Variants in DLGAP1 observed in about 807,000 individuals in gnomAD.
DLGAP1 encodes DLG associated protein 1.
In DLGAP1, 11 loss-of-function variants were observed where a neutral mutation model predicts 90.8. The observed-to-expected ratio is 0.12, with a 90% confidence interval of 0.08 to 0.20. DLGAP1 has a LOEUF of 0.20. Ranked by LOEUF, DLGAP1 falls within the 10% of genes least tolerant of loss-of-function variation. The pLI is 1.00. For synonymous variants in DLGAP1, 558 were observed against 540.7 expected (o/e 1.03, Z -0.44); for missense variants, 1,050 against 1,333.8 (o/e 0.79, Z 3.31).
intron 1 of DLGAP1, among the ~76,000 whole-genome samples, chr18:4,387,127 T>C (rs560541157): frequency 9.2e-5 from 14 of 152,220 alleles, no homozygotes; most frequent in African/African-American, 2.9e-4. Context: ...ATAAAAACCA[T>C]GGGACTGGAT....
At chr18:3,643,084 C>T (rs1246207734) in intron 7 of DLGAP1, among the ~76,000 whole-genome samples, 1 of 152,110 alleles carries the variant, frequency 6.6e-6, no homozygotes, top group Non-Finnish European at 1.5e-5. Context: ...GGTACAATCA[C>T]CCAATAGACT....
chr18:3,952,120 G>A (rs1235295074), intron 3 of DLGAP1, among the ~76,000 whole-genome samples: 1 of 152,196 alleles, frequency 6.6e-6, no homozygotes, highest in Non-Finnish European at 1.5e-5. Flanking sequence ...CTAGTGATTA[G>A]TCGGTTTATA....
intron 4 of DLGAP1, among the ~76,000 whole-genome samples, chr18:3,846,273 C>T (rs2069008515): frequency 6.6e-6 from 1 of 152,270 alleles, no homozygotes; most frequent in East Asian, 1.9e-4. Flanking sequence ...AGACTTACAC[C>T]TTTCCTTTCT....
At chr18:3,714,648 T>G (rs1296754240) in intron 7 of DLGAP1, among the ~76,000 whole-genome samples, 1 of 149,236 alleles carries the variant, frequency 6.7e-6, no homozygotes, top group East Asian at 2.0e-4. Context: ...GGTTTTTTTT[T>G]TTTTTTTTTT....
chr18:3,916,492 T>A (rs1013273501), intron 3 of DLGAP1, among the ~76,000 whole-genome samples: 1 of 152,174 alleles, frequency 6.6e-6, no homozygotes, highest in African/African-American at 2.4e-5. Flanking sequence ...GCTCTCATAG[T>A]CATAACCTAT....
chr18:3,779,572 G>A (rs1665522576), intron 5 of DLGAP1, among the ~76,000 whole-genome samples: 1 of 152,084 alleles, frequency 6.6e-6, no homozygotes, highest in African/African-American at 2.4e-5. Flanking sequence ...CTGCCTCATT[G>A]CTTTGTTCAT....
chr18:3,514,846 G>A (rs2050737332), intron 10 of DLGAP1, among the ~76,000 whole-genome samples: 1 of 152,176 alleles, frequency 6.6e-6, no homozygotes, highest in South Asian at 2.1e-4. Flanking sequence ...TGTGATCAAG[G>A]TGGTAGTTGC....
intron 1 of DLGAP1, among the ~76,000 whole-genome samples, chr18:4,232,812 GC>G (rs2078328470): frequency 6.6e-6 from 1 of 152,130 alleles, no homozygotes; most frequent in Non-Finnish European, 1.5e-5. Context: ...CCTGGAGCAA[GC>G]AACTCAAGAG....
At position 3,995,974 on chromosome 18, in the gene DLGAP1, T is replaced by C. The variant is rs367554416; in HGVS notation, c.-73+9142A>G. Among the ~76,000 whole-genome samples, 234 of 152,272 alleles carry C rather than the reference T, an allele frequency of 1.5e-3. 2 individuals are homozygous for C. The South Asian group carries it at 0.028, about 18-fold the overall frequency. Reference sequence around the variant, plus strand: ...TAATAAACGGAGACAAATTACCTAATATTTTTGAGCACCTATTATGTTAGA... The same window carrying C: ...TAATAAACGGAGACAAATTACCTAACATTTTTGAGCACCTATTATGTTAGA... On this transcript the variant is annotated intron_variant, in intron 3 of 12. Transcript: ENST00000315677.
At chr18:4,141,634 G>A (rs1182817321) in intron 2 of DLGAP1, among the ~76,000 whole-genome samples, 1 of 151,832 alleles carries the variant, frequency 6.6e-6, no homozygotes. Flanking sequence ...ACACTTTTAG[G>A]TGTTTAAACA....
chr18:3,827,515 G>A (rs556139081), intron 4 of DLGAP1, among the ~76,000 whole-genome samples: 2 of 152,308 alleles, frequency 1.3e-5, no homozygotes, highest in South Asian at 4.1e-4. Flanking sequence ...CATAGACAAA[G>A]GATTCTGCTG....
intron 4 of DLGAP1, among the ~76,000 whole-genome samples, chr18:3,867,705 T>C (rs1386417034): frequency 6.6e-6 from 1 of 152,172 alleles, no homozygotes. Flanking sequence ...TCATTTCAAA[T>C]TTCCCATGAT....
intron 4 of DLGAP1, among the ~76,000 whole-genome samples, chr18:3,872,075 A>G (rs1427216238): frequency 1.3e-5 from 2 of 152,144 alleles, no homozygotes; most frequent in Non-Finnish European, 2.9e-5. Context: ...TTGTATAAAT[A>G]TATCTTAGAA....
At chr18:4,359,043 T>G (rs1375894802) in intron 1 of DLGAP1, among the ~76,000 whole-genome samples, 3 of 152,226 alleles carry the variant, frequency 2.0e-5, no homozygotes, top group Admixed American at 6.5e-5. Flanking sequence ...AGCTTGGATG[T>G]TTTTCTTTTC....
intron 2 of DLGAP1, among the ~76,000 whole-genome samples, chr18:4,071,428 T>G (rs1301104970): frequency 6.6e-6 from 1 of 152,188 alleles, no homozygotes; most frequent in Non-Finnish European, 1.5e-5. Context: ...TTCTGCTCGG[T>G]GATCGATTTG....
chr18:3,536,155 G>GA (rs2052361308), intron 9 of DLGAP1, among the ~76,000 whole-genome samples: 1 of 151,672 alleles, frequency 6.6e-6, no homozygotes. Flanking sequence ...AAAGCAAACT[G>GA]AAGTAAGTTT....
rs570509259 is a variant in DLGAP1, at chr18:4,049,632, C to A, written c.-158-44431G>T. On this transcript the variant is annotated intron_variant, in intron 2 of 12. Transcript: ENST00000315677. ...ATTCCAGCTCCCTCCTGGGACTGGG[C>A]CATCTGCCTTAGTCCTTGCTCTTGT... Among the ~76,000 whole-genome samples, 16 of 152,294 alleles carry A rather than the reference C, an allele frequency of 1.1e-4. No homozygotes were observed. In the South Asian group the frequency reaches 3.3e-3, roughly 32 times the overall value.
Position 3,727,243 on chromosome 18 carries a change from T to C in DLGAP1, c.1591+1892A>G, listed in dbSNP as rs1296522379. Among the ~76,000 whole-genome samples the C allele has an allele frequency of 6.6e-6, 1 of 152,190 alleles. No individual in the cohort carries two copies. Among genetic ancestry groups the C allele is most frequent in the Non-Finnish European group, 1.5e-5 (1 of 68,032 alleles). On this transcript the variant is annotated intron_variant, in intron 7 of 12. Coordinates refer to ENST00000315677, the MANE Select transcript of DLGAP1 (RefSeq NM_004746.4). This position sits in a 1 kb window ranked among gnomAD's most constrained non-coding sequence, Gnocchi z 4.7. Reference sequence around the variant, plus strand: ...TTGAGCTCTGGGAGCCTCCAGAGTATCTGAGAAGTGTCTTAGGAGGGCAGA... The same window carrying C: ...TTGAGCTCTGGGAGCCTCCAGAGTACCTGAGAAGTGTCTTAGGAGGGCAGA...
At chr18:4,311,544 G>A (rs192782360) in intron 1 of DLGAP1, among the ~76,000 whole-genome samples, 3 of 152,254 alleles carry the variant, frequency 2.0e-5, no homozygotes, top group East Asian at 3.9e-4. Context: ...CTGGAGTCAA[G>A]TTTCATTTAT....
Sources: allele counts gnomAD v4.1 joint callset (sites outside exome capture counted in the v4.1 genomes callset), GRCh38; gene constraint gnomAD v4.1.1; non-coding constraint Gnocchi (gnomAD v3.1); transcripts MANE v1.5; gene names NCBI Gene and HGNC (gene_info 2026-07-23, HGNC 2026-07-21).